The following KCNT2 variants were observed in gnomAD, a reference collection of about 807,000 sequenced individuals.
The protein encoded by KCNT2 is potassium channel subfamily T member 2.
Under a neutral mutation model 153.8 loss-of-function variants are expected in KCNT2, and 67 were observed. The ratio of observed to expected loss-of-function variants is 0.44; its 90% confidence interval spans 0.36 to 0.53. The LOEUF (loss-of-function observed/expected upper bound fraction) is 0.53, where lower values mean the gene tolerates loss of function less well. Among genes scored for constraint, KCNT2 ranks in the 20% least tolerant of loss-of-function variants. The pLI is 0.00. For missense variants in KCNT2, 975 were observed against 1,354.8 expected (o/e 0.72, Z 4.40); for synonymous variants, 500 against 458.8 (o/e 1.09, Z -1.15).
chr1:196,370,468 G>T (rs1476489335), intron 14 of KCNT2, among the ~76,000 whole-genome samples: 2 of 152,016 alleles, frequency 1.3e-5, no homozygotes, highest in African/African-American at 2.4e-5. Context: ...GTTTTAATCA[G>T]CCTTGGGAAT....
At chr1:196,266,671 A>G (rs547715054) in intron 25 of KCNT2, among the ~76,000 whole-genome samples, 2 of 152,310 alleles carry the variant, frequency 1.3e-5, no homozygotes. Context: ...GAGAAGGGGT[A>G]ATAGTCACCA....
intron 25 of KCNT2, among the ~76,000 whole-genome samples, chr1:196,265,582 C>T (rs1657460802): frequency 6.6e-6 from 1 of 152,182 alleles, no homozygotes; most frequent in African/African-American, 2.4e-5. Flanking sequence ...AGCCCCCATT[C>T]TACAGTGTGT....
At chr1:196,242,850 T>A (rs1481573171) in intron 26 of KCNT2, among the ~76,000 whole-genome samples, 1 of 152,194 alleles carries the variant, frequency 6.6e-6, no homozygotes, top group Non-Finnish European at 1.5e-5. Flanking sequence ...AAACTTCCTA[T>A]ATAACTTTAA....
chr1:196,549,060 C>T lies in KCNT2; in HGVS notation c.96-56719G>A, dbSNP rs951783863. Among the ~76,000 whole-genome samples, 8 of 151,984 alleles carry T rather than the reference C, an allele frequency of 5.3e-5. No homozygotes were observed. The East Asian group carries it at 1.4e-3, about 26-fold the overall frequency. On this transcript the variant is annotated intron_variant, in intron 1 of 27. Coordinates refer to ENST00000294725, the MANE Select transcript of KCNT2 (RefSeq NM_198503.5). Reference sequence around the variant, plus strand: ...GGGAGATATACCTAATGCTAGATGACGAGTTAGTGGGTGCAGCGCACCAGC... The same window carrying T: ...GGGAGATATACCTAATGCTAGATGATGAGTTAGTGGGTGCAGCGCACCAGC...
At chr1:196,261,832 A>G (rs1428056756) in intron 25 of KCNT2, among the ~76,000 whole-genome samples, 1 of 151,896 alleles carries the variant, frequency 6.6e-6, no homozygotes, top group Non-Finnish European at 1.5e-5. Flanking sequence ...TATAATCGTT[A>G]ACTTGAAAAA....
chr1:196,384,765 C>A (rs1051434467), intron 13 of KCNT2, among the ~76,000 whole-genome samples: 3 of 145,030 alleles, frequency 2.1e-5, no homozygotes, highest in Non-Finnish European at 4.5e-5. Context: ...TTACTCTGGA[C>A]AAAATTATTT....
intron 10 of KCNT2, among the ~76,000 whole-genome samples, chr1:196,427,884 C>A (rs1189093192): frequency 2.6e-5 from 4 of 152,052 alleles, no homozygotes; most frequent in African/African-American, 9.7e-5. Context: ...TTCCATCTGT[C>A]TTTCAGCGTA....
intron 12 of KCNT2, among the ~76,000 whole-genome samples, chr1:196,403,374 C>CA (rs1469581102): frequency 2.0e-5 from 3 of 151,464 alleles, no homozygotes. Context: ...GTACAGAGGT[C>CA]AGTGGTTGCC....
intron 8 of KCNT2, among the ~76,000 whole-genome samples, chr1:196,464,093 T>C (rs562784192): frequency 4.3e-4 from 65 of 151,998 alleles, no homozygotes; most frequent in Admixed American, 1.2e-3. Flanking sequence ...TTTTAAGTAC[T>C]TTCCCTTAAG....
chr1:196,432,539 A>G (rs1263553662), intron 8 of KCNT2, among the ~76,000 whole-genome samples: 1 of 152,158 alleles, frequency 6.6e-6, no homozygotes, highest in African/African-American at 2.4e-5. Context: ...CATGGAGTCA[A>G]AAAGTATTCT....
chr1:196,451,708 A>G (rs536057682), intron 8 of KCNT2, among the ~76,000 whole-genome samples: 1 of 151,768 alleles, frequency 6.6e-6, no homozygotes, highest in Non-Finnish European at 1.5e-5. Flanking sequence ...CTTTTCTTCA[A>G]TAGAAAAATT....
At chr1:196,306,421 G>T (rs1446095385) in intron 21 of KCNT2, among the ~76,000 whole-genome samples, 1 of 152,046 alleles carries the variant, frequency 6.6e-6, no homozygotes, top group Non-Finnish European at 1.5e-5. Flanking sequence ...CCATGTGCCC[G>T]AGTGCTTGAT....
intron 8 of KCNT2, among the ~76,000 whole-genome samples, chr1:196,430,197 G>A (rs1384035224): frequency 6.6e-6 from 1 of 151,804 alleles, no homozygotes; most frequent in African/African-American, 2.4e-5. Flanking sequence ...GGCTTGAGGA[G>A]TTAACAATTG....
intron 13 of KCNT2, among the ~76,000 whole-genome samples, chr1:196,379,975 T>C (rs994999568): frequency 6.6e-6 from 1 of 152,210 alleles, no homozygotes; most frequent in Non-Finnish European, 1.5e-5. Flanking sequence ...AAAAGATAGA[T>C]TTCAATAAAC....
chr1:196,313,603 CTG>C (rs1662406341), intron 21 of KCNT2, among the ~76,000 whole-genome samples: 2 of 151,564 alleles, frequency 1.3e-5, no homozygotes, highest in South Asian at 4.2e-4. Flanking sequence ...CTATAAATGT[CTG>C]TCTTACTTTT....
chr1:196,582,169 C>T (rs888044444), intron 1 of KCNT2, among the ~76,000 whole-genome samples: 1 of 152,032 alleles, frequency 6.6e-6, no homozygotes, highest in Non-Finnish European at 1.5e-5. Context: ...TCCAGCAAGC[C>T]TAATGGCCAA....
At chr1:196,395,940 A>G (rs1051179796) in intron 13 of KCNT2, among the ~76,000 whole-genome samples, 1 of 151,686 alleles carries the variant, frequency 6.6e-6, no homozygotes, top group African/African-American at 2.4e-5. Flanking sequence ...AATATCATAA[A>G]TATTGTCAAG....
intron 1 of KCNT2, among the ~76,000 whole-genome samples, chr1:196,555,793 T>C (rs924737027): frequency 1.3e-5 from 2 of 151,030 alleles, no homozygotes; most frequent in Admixed American, 1.3e-4. Context: ...GGTACTGGCA[T>C]AAAAACAGAC....
intron 8 of KCNT2, among the ~76,000 whole-genome samples, chr1:196,463,471 A>G (rs1390818953): frequency 1.3e-5 from 2 of 151,794 alleles, no homozygotes; most frequent in Non-Finnish European, 2.9e-5. Flanking sequence ...TGATTAAACA[A>G]TAAAATTGTA....
Sources: allele counts gnomAD v4.1 joint callset (sites outside exome capture counted in the v4.1 genomes callset), GRCh38; gene constraint gnomAD v4.1.1; transcripts MANE v1.5; gene names NCBI Gene and HGNC (gene_info 2026-07-23, HGNC 2026-07-21).